AP1G1: variants seen among roughly 807,000 people sequenced by gnomAD.
The protein encoded by AP1G1 is AP-1 complex subunit gamma-1.
A neutral mutation model predicts 108.3 loss-of-function variants in AP1G1; 7 were observed. The ratio of observed to expected loss-of-function variants is 0.06; its 90% CI spans 0.04 to 0.12. AP1G1 has a LOEUF of 0.12. AP1G1 is among the 10% of genes least tolerant of loss of function. AP1G1 has a pLI of 1.00. For missense variants in AP1G1, 756 were observed against 1,010.7 expected, an observed-to-expected ratio of 0.75 and a Z score of 3.42; for synonymous variants, 379 against 353.5, an observed-to-expected ratio of 1.07 and a Z score of -0.81.
chr16:71,801,297 A>C (rs764198059), intron 1 of AP1G1, among the ~76,000 whole-genome samples: 10 of 149,956 alleles, frequency 6.7e-5, no homozygotes, highest in South Asian at 4.3e-4. Flanking sequence ...ACAAACAAAC[A>C]AAAAAAAAGA....
intron 9 of AP1G1, among the ~76,000 whole-genome samples, chr16:71,762,188 CAG>C (rs1165314594): frequency 6.6e-6 from 1 of 152,034 alleles, no homozygotes; most frequent in Non-Finnish European, 1.5e-5. Context: ...GCCATTAAGA[CAG>C]AATGCATTCT....
At position 71,777,661 on chromosome 16, in the gene AP1G1, G is replaced by A. The variant is rs144874877; in HGVS notation, c.202-3069C>T. 1,485 of 457,288 alleles carry A rather than the reference G, an allele frequency of 3.2e-3. 1 individual carries two copies. The highest frequency in any genetic ancestry group is 5.3e-3 in the Admixed American group (219 of 41,274). 28.3% of individuals were successfully genotyped at this position (457,288 alleles called of 1,614,324 possible). A position where few individuals can be genotyped will look rare whatever the true frequency, so the allele number is the denominator to read the frequency against. On this transcript the variant is annotated intron_variant, in intron 2 of 22. Coordinates refer to ENST00000299980, the MANE Select transcript of AP1G1 (RefSeq NM_001128.6). ...AGGGATCCGGTTCATCCTCCTCTTC[G>A]GCAGCTCTCTTCAGCTCGGGCCCTT...
At chr16:71,791,307 T>C (rs995720559) in intron 1 of AP1G1, among the ~76,000 whole-genome samples, 1 of 151,706 alleles carries the variant, frequency 6.6e-6, no homozygotes, top group East Asian at 1.9e-4. Flanking sequence ...AATTTTACCA[T>C]ATGTTAACTT....
At chr16:71,767,993 T>C in intron 6 of AP1G1, 4 of 1,309,380 alleles carry the variant, frequency 3.1e-6, no homozygotes, top group Non-Finnish European at 4.3e-6. Context: ...AATCAAGACA[T>C]GAACATCTAA....
At chr16:71,784,278 C>T (rs776993948) in intron 2 of AP1G1, among the ~76,000 whole-genome samples, 3 of 152,146 alleles carry the variant, frequency 2.0e-5, no homozygotes, top group Non-Finnish European at 4.4e-5. Flanking sequence ...GAAACTGAGA[C>T]ACAGAAAGGT....
intron 11 of AP1G1, among the ~76,000 whole-genome samples, chr16:71,757,861 C>G (rs955394239): frequency 6.6e-6 from 1 of 152,172 alleles, no homozygotes; most frequent in Non-Finnish European, 1.5e-5. Context: ...CTGCCCCTTA[C>G]AAGGATTAAG....
intron 13 of AP1G1, among the ~76,000 whole-genome samples, chr16:71,750,799 A>C (rs1320683744): frequency 6.6e-6 from 1 of 152,102 alleles, no homozygotes; most frequent in Non-Finnish European, 1.5e-5. Flanking sequence ...ATAACAGCTC[A>C]AACTTCAAAG....
chr16:71,806,981 G>A (rs928175977), intron 1 of AP1G1, among the ~76,000 whole-genome samples: 2 of 152,144 alleles, frequency 1.3e-5, no homozygotes, highest in African/African-American at 4.8e-5. Flanking sequence ...CTCAATTCAA[G>A]TTATAAATTT....
At chr16:71,797,308 C>G (rs1382321796) in intron 1 of AP1G1, among the ~76,000 whole-genome samples, 1 of 151,800 alleles carries the variant, frequency 6.6e-6, no homozygotes, top group Admixed American at 6.6e-5. Context: ...TTTTTAACTT[C>G]TATATATAGT....
intron 1 of AP1G1, chr16:71,808,161 G>C (rs1597099292): frequency 8.8e-7 from 1 of 1,138,020 alleles, no homozygotes; most frequent in African/African-American, 1.6e-5. Flanking sequence ...CTGAGAAAAG[G>C]GTAAACAGTA....
At chr16:71,802,591 A>T (rs373105443) in intron 1 of AP1G1, among the ~76,000 whole-genome samples, 6 of 151,862 alleles carry the variant, frequency 4.0e-5, no homozygotes, top group Middle Eastern at 6.8e-3. Context: ...TTAACTGGGC[A>T]TGGTGGCGGG....
intron 21 of AP1G1, among the ~76,000 whole-genome samples, chr16:71,737,342 G>C (rs1249148631): frequency 3.3e-5 from 5 of 152,048 alleles, no homozygotes; most frequent in Admixed American, 6.5e-5. Context: ...AAAGTGCAGT[G>C]GCATGATCTT....
chr16:71,764,884 A>T (rs1293909352), intron 7 of AP1G1, among the ~76,000 whole-genome samples, 158 bp from the exon 8 acceptor site: 1 of 152,180 alleles, frequency 6.6e-6, no homozygotes, highest in African/African-American at 2.4e-5. Context: ...AGAATTGAAA[A>T]CATTTTCTTT....
At chr16:71,749,402 G>A (rs1419619423) in intron 15 of AP1G1, among the ~76,000 whole-genome samples, 1 of 151,586 alleles carries the variant, frequency 6.6e-6, no homozygotes, top group East Asian at 2.0e-4. Flanking sequence ...AAGATCGCTT[G>A]AAACCCAGGA....
intron 2 of AP1G1, among the ~76,000 whole-genome samples, chr16:71,780,175 G>A (rs1306449373): frequency 6.6e-6 from 1 of 151,636 alleles, no homozygotes; most frequent in East Asian, 1.9e-4. Context: ...TGTATTTTTA[G>A]TAGAGATGGG....
chr16:71,749,044 C>T (rs941640067), intron 15 of AP1G1, among the ~76,000 whole-genome samples: 1 of 152,178 alleles, frequency 6.6e-6, no homozygotes, highest in East Asian at 1.9e-4. Context: ...GTAGCTGGGA[C>T]TACAGGTGCC....
chr16:71,784,597 C>T (rs7186536), intron 2 of AP1G1, among the ~76,000 whole-genome samples: 5,657 of 152,138 alleles, frequency 0.037, 348 homozygotes, highest in African/African-American at 0.13. Context: ...CTCGCTTTGT[C>T]GCCCAGGCTG....
At chr16:71,781,542 A>G (rs2032018552) in intron 2 of AP1G1, among the ~76,000 whole-genome samples, 1 of 152,188 alleles carries the variant, frequency 6.6e-6, no homozygotes, top group South Asian at 2.1e-4. Flanking sequence ...CTGCCATGCC[A>G]TATATTCTTA....
At chr16:71,767,850 A>C (rs749330959) in intron 6 of AP1G1, 1 of 1,598,202 alleles carries the variant, frequency 6.3e-7, no homozygotes, top group Non-Finnish European at 8.5e-7. Flanking sequence ...GCCAGCATGC[A>C]CCATCTAAAA....
Sources: gnomAD v4.1 joint callset for allele counts (sites outside exome capture counted in the v4.1 genomes callset) on GRCh38, gnomAD v4.1.1 for gene constraint, MANE v1.5 for transcripts, NCBI Gene and HGNC (gene_info 2026-07-23, HGNC 2026-07-21) for gene names.